The following RALGAPA1 variants were observed in gnomAD, a reference collection of about 807,000 sequenced individuals.
RALGAPA1 encodes Ral GTPase activating protein catalytic subunit alpha 1.
A neutral mutation model predicts 269.6 loss-of-function variants in RALGAPA1; 52 were observed. The ratio of observed to expected loss-of-function variants is 0.19; its 90% CI spans 0.15 to 0.24. The LOEUF is 0.24. Ranked by LOEUF, RALGAPA1 falls within the 10% of genes least tolerant of loss-of-function variation. The pLI is 1.00. For synonymous variants in RALGAPA1, 817 were observed against 1,008.3 expected, an observed-to-expected ratio of 0.81 and a Z score of 3.60; for missense variants, 1,917 against 3,013.9, an observed-to-expected ratio of 0.64 and a Z score of 8.52.
intron 10 of RALGAPA1, 27 bp downstream of exon 10, chr14:35,748,558 A>G (rs753884358): frequency 6.3e-7 from 1 of 1,575,332 alleles, no homozygotes; most frequent in South Asian, 1.2e-5. Flanking sequence ...CTTCCTTATA[A>G]ATTAAAAATA....
chr14:35,793,515 T>A (rs574927064), intron 1 of RALGAPA1, among the ~76,000 whole-genome samples: 60 of 152,226 alleles, frequency 3.9e-4, no homozygotes, highest in African/African-American at 8.7e-4. Flanking sequence ...ATTACAGGCG[T>A]GAGCCACCGC....
chr14:35,721,592 T>G lies in RALGAPA1; in HGVS notation c.2266+96A>C, dbSNP rs576067285. On this transcript the variant is annotated intron_variant, in intron 16 of 41. Coordinates refer to ENST00000680220, the MANE Select transcript of RALGAPA1 (RefSeq NM_001346249.2). ...GCAGTTTTTCATTTCACAACAATAA[T>G]CAACTGGTAAGAAAAATTTATATTG... 1.0e-5 allele frequency: 12 copies of G among 1,143,394 alleles called. No homozygotes were observed. In the Admixed American group the frequency reaches 2.5e-4, roughly 23 times the overall value. The allele number at this position is 1,143,394 out of a possible 1,614,324, so 70.8% of individuals were successfully genotyped here. A position where few individuals can be genotyped will look rare whatever the true frequency, so the allele number is the denominator to read the frequency against.
chr14:35,808,955 C>G lies in RALGAPA1; in HGVS notation c.-120G>C. On this transcript the variant is annotated 5_prime_UTR_variant, in exon 1 of 42. Coordinates refer to ENST00000680220, the MANE Select transcript of RALGAPA1 (RefSeq NM_001346249.2). ...CCAGAGAGGCTCATTAGCTCCCCAGCCTTGCGGGCCAGGGCAGAGCCGACT... is the reference window on the plus strand; with the variant it reads ...CCAGAGAGGCTCATTAGCTCCCCAGGCTTGCGGGCCAGGGCAGAGCCGACT... The G allele has an allele frequency of 6.8e-7, 1 of 1,469,732 alleles. No homozygotes were observed. The highest frequency in any genetic ancestry group is 9.0e-7 in the Non-Finnish European group (1 of 1,112,702). The allele number at this position is 1,469,732 out of a possible 1,614,324, so 91.0% of individuals were successfully genotyped here.
At chr14:35,612,720 A>G (rs1378718211) in intron 35 of RALGAPA1, among the ~76,000 whole-genome samples, 1 of 151,892 alleles carries the variant, frequency 6.6e-6, no homozygotes. Flanking sequence ...TTGTATTTTT[A>G]GTAGAGATGG....
intron 16 of RALGAPA1, among the ~76,000 whole-genome samples, chr14:35,705,806 G>T (rs993660361): frequency 6.6e-6 from 1 of 152,106 alleles, no homozygotes; most frequent in African/African-American, 2.4e-5. Context: ...ACACTTCCCT[G>T]CCAGCATTTG....
At chr14:35,605,485 T>C in intron 36 of RALGAPA1, 101 bp downstream of exon 36, 1 of 1,237,222 alleles carries the variant, frequency 8.1e-7, no homozygotes, top group Non-Finnish European at 1.1e-6. Context: ...GTTAAGTTGT[T>C]GTATCTCCTA....
At chr14:35,680,123 G>C (rs1372354447) in intron 21 of RALGAPA1, among the ~76,000 whole-genome samples, 1 of 152,096 alleles carries the variant, frequency 6.6e-6, no homozygotes, top group Non-Finnish European at 1.5e-5. Flanking sequence ...TTGGTCAAAT[G>C]CTTTGAAATA....
chr14:35,656,541 C>G (rs1310420993), intron 28 of RALGAPA1, among the ~76,000 whole-genome samples: 1 of 152,066 alleles, frequency 6.6e-6, no homozygotes, highest in Non-Finnish European at 1.5e-5. Context: ...AGTAAGGATT[C>G]TATTAGTGTG....
At chr14:35,765,415 C>T (rs1327368140) in intron 4 of RALGAPA1, among the ~76,000 whole-genome samples, 1 of 151,764 alleles carries the variant, frequency 6.6e-6, no homozygotes, top group Non-Finnish European at 1.5e-5. Flanking sequence ...TGTGTACATA[C>T]ATATATATGA....
chr14:35,619,657 C>A (rs933280871), intron 35 of RALGAPA1, among the ~76,000 whole-genome samples: 14 of 152,068 alleles, frequency 9.2e-5, no homozygotes, highest in African/African-American at 3.4e-4. Flanking sequence ...TAAAAAATGA[C>A]AAAGGGGGTA....
intron 12 of RALGAPA1, among the ~76,000 whole-genome samples, chr14:35,736,080 A>G (rs1333857186): frequency 6.6e-6 from 1 of 152,204 alleles, no homozygotes; most frequent in Non-Finnish European, 1.5e-5. Context: ...GAGACTAATT[A>G]GAAATTTACT....
intron 20 of RALGAPA1, 33 bp from the exon 21 acceptor site, chr14:35,684,018 C>T (rs2065699698): frequency 6.5e-7 from 1 of 1,545,272 alleles, no homozygotes; most frequent in Non-Finnish European, 8.8e-7. Flanking sequence ...TATATGAGTC[C>T]CAATTACAAA....
chr14:35,659,233 A>T, intron 27 of RALGAPA1, 37 bp from the exon 28 acceptor site: 1 of 1,464,836 alleles, frequency 6.8e-7, no homozygotes, highest in Non-Finnish European at 9.5e-7. Flanking sequence ...GCAATGACTG[A>T]GATTTCACTC....
rs373422216 is a variant in RALGAPA1, at chr14:35,587,994, C to T, written c.7209+7640G>A. On this transcript the variant is annotated intron_variant, in intron 37 of 41. Coordinates refer to ENST00000680220, the MANE Select transcript of RALGAPA1 (RefSeq NM_001346249.2). ...TGATCTCAGCTTACTGCAACCTCCG[C>T]CTCCTGGGTTCAAGCAATTCTCCTG... is the stretch of plus-strand genomic sequence containing the variant. Among the ~76,000 whole-genome samples the T allele has an allele frequency of 2.4e-4, 37 of 152,334 alleles. No homozygotes were observed. In the East Asian group the frequency reaches 6.6e-3, roughly 27 times the overall value.
chr14:35,803,064 CA>C (rs1279106104), intron 1 of RALGAPA1, among the ~76,000 whole-genome samples: 1 of 152,028 alleles, frequency 6.6e-6, no homozygotes, highest in Non-Finnish European at 1.5e-5. Flanking sequence ...AAAGGAAGAA[CA>C]AAGTAGGAGG....
chr14:35,626,649 CATGAG>C (rs1236851316), intron 34 of RALGAPA1, among the ~76,000 whole-genome samples: 2 of 152,100 alleles, frequency 1.3e-5, no homozygotes, highest in African/African-American at 2.4e-5. Flanking sequence ...TTGAATACCT[CATGAG>C]TTTATTGTAA....
In RALGAPA1 at chr14:35,684,947, C is replaced by G. The variant is rs747689843; in HGVS notation, c.4276G>C (p.Asp1426His). The G allele has an allele frequency of 1.4e-5, 23 of 1,613,230 alleles. No individual in the cohort carries two copies. Among genetic ancestry groups the G allele is most frequent in the Non-Finnish European group, 1.9e-5 (22 of 1,179,838 alleles). Residue 1426 changes from aspartate (D) to histidine (H), a missense_variant, in exon 20 of 42, where the codon GAT becomes CAT. Coordinates refer to ENST00000680220, the MANE Select transcript of RALGAPA1 (RefSeq NM_001346249.2). ...HSDSFSAFQY[D>H]GRKFDNFGFG... Reference sequence around the variant, plus strand: ...TACTTGCTGTCAAATTTTCGGCCATCATATTGGAAAGCGCTGAAAGAATCC... The same window carrying G: ...TACTTGCTGTCAAATTTTCGGCCATGATATTGGAAAGCGCTGAAAGAATCC...
chr14:35,806,874 C>T (rs908042897), intron 1 of RALGAPA1, among the ~76,000 whole-genome samples: 1 of 152,168 alleles, frequency 6.6e-6, no homozygotes, highest in South Asian at 2.1e-4. Flanking sequence ...CATTCATTTT[C>T]TTAGAAATTA....
At position 35,634,578 on chromosome 14, in the gene RALGAPA1, T is replaced by C; in HGVS notation, c.5991A>G (p.Thr1997=). 6.2e-7 allele frequency: 1 copy of C among 1,610,120 alleles called. No individual in the cohort carries two copies. ...CCTGAACAGAATTCATGTTACCTTCTGTTACTGGCTGGAGTTTAGAAGATC... is the reference window on the plus strand; with the variant it reads ...CCTGAACAGAATTCATGTTACCTTCCGTTACTGGCTGGAGTTTAGAAGATC... The part of the protein sequence containing the change: ...SERSSKLQPV[T]EVKTQMQHGL... The change falls in exon 33 of 42, where the codon ACA becomes ACG. Residue 1997 remains threonine (T), a synonymous_variant. Coordinates refer to ENST00000680220, the MANE Select transcript of RALGAPA1 (RefSeq NM_001346249.2).
Sources: allele counts gnomAD v4.1 joint callset (sites outside exome capture counted in the v4.1 genomes callset), GRCh38; gene constraint gnomAD v4.1.1; transcripts MANE v1.5; gene names NCBI Gene and HGNC (gene_info 2026-07-23, HGNC 2026-07-21).